The following SOX5 variants were observed in gnomAD, a reference collection of about 807,000 sequenced individuals.
SOX5 encodes transcription factor SOX-5.
A neutral mutation model predicts 92.0 loss-of-function variants in SOX5; 9 were observed. The ratio of observed to expected loss-of-function variants is 0.10; its 90% confidence interval spans 0.06 to 0.17. SOX5 has a LOEUF of 0.17. SOX5 is among the 10% of genes least tolerant of loss of function. The pLI is 1.00. For missense variants in SOX5, 642 were observed against 944.5 expected, an observed-to-expected ratio of 0.68 and a Z score of 4.20; for synonymous variants, 344 against 336.3, an observed-to-expected ratio of 1.02 and a Z score of -0.25.
chr12:23,830,500 C>G (rs1322034793), intron 3 of SOX5, among the ~76,000 whole-genome samples: 3 of 152,152 alleles, frequency 2.0e-5, no homozygotes, highest in Admixed American at 1.3e-4. Flanking sequence ...TTCAGTGGAA[C>G]AGCACTTACA....
At chr12:24,517,472 G>T (rs990391510) in intron 1 of SOX5, among the ~76,000 whole-genome samples, 1 of 152,146 alleles carries the variant, frequency 6.6e-6, no homozygotes, top group Non-Finnish European at 1.5e-5. Context: ...AGCTGCAGAA[G>T]TGAGAAGCAG....
upstream of SOX5, among the ~76,000 whole-genome samples, chr12:23,951,826 G>A: frequency 6.6e-6 from 1 of 152,158 alleles, no homozygotes; most frequent in South Asian, 2.1e-4. Flanking sequence ...GTTGGGGAAG[G>A]GGGGAAGAAT....
chr12:24,129,299 G>A (rs1164068312), intron 4 of SOX5, among the ~76,000 whole-genome samples: 5 of 152,080 alleles, frequency 3.3e-5, no homozygotes, highest in African/African-American at 1.2e-4. Flanking sequence ...AGTACAATAG[G>A]AATATTGTTT....
chr12:24,178,262 T>C (rs2139235907), intron 4 of SOX5, among the ~76,000 whole-genome samples: 1 of 151,696 alleles, frequency 6.6e-6, no homozygotes, highest in African/African-American at 2.4e-5. Flanking sequence ...TTTTTTTTTT[T>C]TTTCCCATTT....
chr12:23,806,745 G>T (rs771852955), intron 3 of SOX5, among the ~76,000 whole-genome samples: 2 of 149,096 alleles, frequency 1.3e-5, no homozygotes, highest in South Asian at 4.5e-4. Context: ...TAGAGCCACA[G>T]TCCCAGTAAG....
intron 4 of SOX5, among the ~76,000 whole-genome samples, chr12:23,999,758 G>T (rs1164911670): frequency 6.6e-6 from 1 of 151,776 alleles, no homozygotes; most frequent in Non-Finnish European, 1.5e-5. Context: ...TGTTAATCAA[G>T]AATTTTACAT....
rs145579618 is a variant in SOX5 at position 24,035,604 on chromosome 12, A to G, written c.-1-139580T>C. ...TAACATCCAGGAATAGTGATCATAA[A>G]GAAAATGCAATAAGCATATTAGGTT... is the stretch of plus-strand genomic sequence containing the variant. On this transcript the variant is annotated intron_variant, in intron 4 of 4. Coordinates refer to the SOX5 transcript ENST00000446891. 5.4e-3 allele frequency among the ~76,000 whole-genome samples: 828 copies of G among 152,272 alleles called. 10 individuals carry two copies. The highest frequency in any genetic ancestry group is 0.019 in the African/African-American group (773 of 41,566).
intron 1 of SOX5, among the ~76,000 whole-genome samples, chr12:24,424,927 C>G (rs576815660): frequency 6.6e-6 from 1 of 151,908 alleles, no homozygotes; most frequent in South Asian, 2.1e-4. Flanking sequence ...CATAGGTTTA[C>G]CTGCCATAGG....
intron 9 of SOX5, among the ~76,000 whole-genome samples, chr12:23,593,235 A>C (rs995963119): frequency 2.6e-5 from 4 of 152,266 alleles, no homozygotes; most frequent in Non-Finnish European, 5.9e-5. Context: ...TATTACACAG[A>C]CTCTAAACAA....
chr12:23,712,036 G>C (rs770871477), intron 6 of SOX5, among the ~76,000 whole-genome samples: 2 of 152,172 alleles, frequency 1.3e-5, no homozygotes, highest in Non-Finnish European at 1.5e-5. Context: ...TACAGGTAGT[G>C]AGTAGCTGAG....
chr12:24,446,882 T>A (rs999987189), intron 1 of SOX5, among the ~76,000 whole-genome samples: 2 of 151,222 alleles, frequency 1.3e-5, no homozygotes, highest in South Asian at 4.2e-4. Context: ...ATAATGGAGG[T>A]ATATCAGTGG....
At chr12:24,315,384 TAAAG>T (rs3031158) in intron 2 of SOX5, among the ~76,000 whole-genome samples, 17,896 of 152,078 alleles carry the variant, frequency 0.12, 1,293 homozygotes, top group Middle Eastern at 0.17. Context: ...AGAAAAAAGT[TAAAG>T]AGATTAAGAG....
rs16927107 is a variant in SOX5, at chr12:24,051,034, A to G, written c.-1-155010T>C. 5.3e-3 allele frequency among the ~76,000 whole-genome samples: 804 copies of G among 152,220 alleles called. 6 individuals are homozygous for G. The highest frequency in any genetic ancestry group is 0.019 in the African/African-American group (779 of 41,540). On this transcript the variant is annotated intron_variant, in intron 4 of 4. Transcript: ENST00000446891. The stretch of plus-strand genomic sequence containing the variant: ...CACTAGGTATTCTCCATAGCCAAAA[A>G]CATACTAATTTTCTCCACCCAAACT...
chr12:24,117,214 C>G (rs140522611), intron 4 of SOX5, among the ~76,000 whole-genome samples: 279 of 152,222 alleles, frequency 1.8e-3, no homozygotes, highest in Non-Finnish European at 3.2e-3. Context: ...TTTAAAAATG[C>G]TCAACATTAC....
At chr12:24,162,874 C>T (rs909553179) in intron 4 of SOX5, among the ~76,000 whole-genome samples, 3 of 152,108 alleles carry the variant, frequency 2.0e-5, no homozygotes, top group African/African-American at 4.8e-5. Context: ...CATCCACTTC[C>T]GACAGAGAAG....
chr12:24,213,815 AATTCAGCC>A (rs1250260246), intron 3 of SOX5, among the ~76,000 whole-genome samples: 1 of 152,170 alleles, frequency 6.6e-6, no homozygotes, highest in Non-Finnish European at 1.5e-5. Flanking sequence ...TCATATGATT[AATTCAGCC>A]ATGTGAGCAT....
chr12:24,164,374 A>G (rs948236403), intron 4 of SOX5, among the ~76,000 whole-genome samples: 2 of 151,490 alleles, frequency 1.3e-5, no homozygotes, highest in Non-Finnish European at 3.0e-5. Context: ...AAGCTCCAAC[A>G]TACATATATA....
intron 6 of SOX5, among the ~76,000 whole-genome samples, chr12:23,684,192 G>A (rs2087128918): frequency 1.3e-5 from 2 of 151,916 alleles, no homozygotes; most frequent in South Asian, 4.1e-4. Context: ...CATGTGATTT[G>A]CATATTTTTT....
intron 4 of SOX5, among the ~76,000 whole-genome samples, chr12:24,018,272 T>C (rs955292888): frequency 4.6e-5 from 7 of 152,226 alleles, no homozygotes; most frequent in Admixed American, 2.0e-4. Context: ...AGTTTGTTGC[T>C]GTTTTATCAT....
Sources: gnomAD v4.1 joint callset for allele counts (sites outside exome capture counted in the v4.1 genomes callset) on GRCh38, gnomAD v4.1.1 for gene constraint, MANE v1.5 for transcripts, NCBI Gene and HGNC (gene_info 2026-07-23, HGNC 2026-07-21) for gene names.